The following AUTS2 variants were observed in gnomAD, a reference collection of about 807,000 sequenced individuals.
AUTS2 encodes the protein autism susceptibility gene 2 protein.
A neutral mutation model predicts 112.4 loss-of-function variants in AUTS2; 17 were observed. The observed-to-expected ratio is 0.15, with a 90% CI of 0.10 to 0.23. The LOEUF is 0.23. Among genes scored for constraint, AUTS2 ranks in the 10% least tolerant of loss-of-function variants. The probability of loss-of-function intolerance (pLI) is 1.00; values close to 1 mark genes in which losing one functional copy is unlikely to be tolerated. For missense variants in AUTS2, 1,510 were observed against 1,701.6 expected (o/e 0.89, Z 1.98); for synonymous variants, 751 against 702.7 (o/e 1.07, Z -1.09).
chr7:70,765,808 C>T lies in AUTS2; in HGVS notation c.1469-306C>T, dbSNP rs6960426. The stretch of plus-strand genomic sequence containing the variant: ...CCTCAGATGGGTTATTTGCCATGCC[C>T]AGGGTCACTCAGCCAGTGGTGACAG... On this transcript the variant is annotated intron_variant, in intron 8 of 18. Transcript: ENST00000342771. Among the ~76,000 whole-genome samples, 76,416 of 152,008 alleles carry T rather than the reference C, an allele frequency of 0.5. 21,308 individuals carry two copies. Among genetic ancestry groups the T allele is most frequent in the Non-Finnish European group, 0.62 (42,065 of 67,934 alleles).
chr7:70,491,120 C>T (rs1370761484), intron 5 of AUTS2, among the ~76,000 whole-genome samples: 2 of 152,152 alleles, frequency 1.3e-5, no homozygotes, highest in East Asian at 3.9e-4. Flanking sequence ...TTAGTTTTCT[C>T]CCCCTGCTCA....
chr7:70,749,670 G>T (rs1356894718), intron 6 of AUTS2, among the ~76,000 whole-genome samples: 1 of 152,184 alleles, frequency 6.6e-6, no homozygotes, highest in Non-Finnish European at 1.5e-5. Flanking sequence ...ATTGCAGGGG[G>T]TTGGCAGCAC....
chr7:70,704,168 C>G (rs771424559), intron 6 of AUTS2, among the ~76,000 whole-genome samples: 1 of 152,198 alleles, frequency 6.6e-6, no homozygotes, highest in African/African-American at 2.4e-5. Flanking sequence ...CCAATAGTTG[C>G]TTTGGCCGAA....
intron 2 of AUTS2, among the ~76,000 whole-genome samples, chr7:70,108,525 C>T (rs1239080694): frequency 1.3e-5 from 2 of 151,962 alleles, no homozygotes; most frequent in African/African-American, 4.8e-5. Flanking sequence ...CCTACACTTC[C>T]CCCTTCCCAA....
intron 1 of AUTS2, among the ~76,000 whole-genome samples, chr7:69,690,394 T>C (rs1195567727): frequency 1.3e-5 from 2 of 152,198 alleles, no homozygotes; most frequent in African/African-American, 4.8e-5. Flanking sequence ...CAAGTTTTGC[T>C]CCGGCCTGCT....
chr7:70,040,458 T>C (rs2129557699), intron 2 of AUTS2, among the ~76,000 whole-genome samples: 1 of 152,342 alleles, frequency 6.6e-6, no homozygotes, highest in Non-Finnish European at 1.5e-5. Flanking sequence ...ATACTACAGA[T>C]ACAGTTTGCT....
chr7:70,264,558 T>C (rs1787328145), intron 4 of AUTS2, among the ~76,000 whole-genome samples: 1 of 152,226 alleles, frequency 6.6e-6, no homozygotes, highest in Non-Finnish European at 1.5e-5. Context: ...TTTACTTACA[T>C]GTGCTGTTAT....
chr7:69,962,124 G>A (rs890915811), intron 2 of AUTS2, among the ~76,000 whole-genome samples: 3 of 152,076 alleles, frequency 2.0e-5, no homozygotes, highest in African/African-American at 4.8e-5. Context: ...TTATAGAGGC[G>A]GTTCTCATCC....
At chr7:69,789,617 A>T (rs1269501710) in intron 1 of AUTS2, among the ~76,000 whole-genome samples, 1 of 152,218 alleles carries the variant, frequency 6.6e-6, no homozygotes, top group Non-Finnish European at 1.5e-5. Flanking sequence ...TAGGATCAAC[A>T]TTAGCAGACC....
At chr7:70,693,879 C>T (rs113957304) in intron 5 of AUTS2, among the ~76,000 whole-genome samples, 2 of 152,042 alleles carry the variant, frequency 1.3e-5, no homozygotes, top group Admixed American at 1.3e-4. Flanking sequence ...GCTCGAGCCG[C>T]GGGGGGAGCA....
At chr7:70,526,479 C>T (rs1469085717) in intron 5 of AUTS2, among the ~76,000 whole-genome samples, 1 of 152,134 alleles carries the variant, frequency 6.6e-6, no homozygotes, top group Non-Finnish European at 1.5e-5. Context: ...GGAGACCAGC[C>T]TGGCCAACAC....
chr7:69,697,079 T>C (rs955636100), intron 1 of AUTS2, among the ~76,000 whole-genome samples: 1 of 152,206 alleles, frequency 6.6e-6, no homozygotes, highest in Non-Finnish European at 1.5e-5. Flanking sequence ...ATTAAAATCG[T>C]CTGGAGGGCT....
At chr7:70,174,372 A>G (rs967568437) in intron 4 of AUTS2, among the ~76,000 whole-genome samples, 3 of 152,260 alleles carry the variant, frequency 2.0e-5, no homozygotes, top group Admixed American at 6.5e-5. Context: ...GAAAGGAACT[A>G]TCTCTAGAAC....
At chr7:70,385,000 C>T (rs1332215024) in intron 4 of AUTS2, among the ~76,000 whole-genome samples, 2 of 152,028 alleles carry the variant, frequency 1.3e-5, no homozygotes, top group Non-Finnish European at 2.9e-5. Context: ...TCACAAAAAA[C>T]ACTTTTTCCC....
chr7:70,017,989 A>C (rs923902134), intron 2 of AUTS2, among the ~76,000 whole-genome samples: 4 of 151,976 alleles, frequency 2.6e-5, no homozygotes, highest in Admixed American at 1.3e-4. Context: ...AGAGCCTAGA[A>C]GGAGGGTCAA....
At chr7:70,163,360 A>AGGG (rs1562753323) in intron 4 of AUTS2, among the ~76,000 whole-genome samples, 2 of 2,464 alleles carry the variant, frequency 8.1e-4, no homozygotes, top group Non-Finnish European at 1.1e-3. Flanking sequence ...GGGGGGGGGC[A>AGGG]GAGGGGGAGG....
intron 5 of AUTS2, among the ~76,000 whole-genome samples, chr7:70,462,103 T>G (rs1453701741): frequency 6.6e-6 from 1 of 151,876 alleles, no homozygotes; most frequent in Non-Finnish European, 1.5e-5. Flanking sequence ...AATACAAAAA[T>G]TATCCAGGTG....
At chr7:70,339,319 T>A (rs2129620398) in intron 4 of AUTS2, among the ~76,000 whole-genome samples, 2 of 152,362 alleles carry the variant, frequency 1.3e-5, no homozygotes, top group South Asian at 4.1e-4. Context: ...TGAAAGTTTC[T>A]GTTTCTTTAT....
chr7:70,429,084 C>T (rs1453560326), intron 4 of AUTS2, among the ~76,000 whole-genome samples: 2 of 152,252 alleles, frequency 1.3e-5, no homozygotes, highest in African/African-American at 4.8e-5. Flanking sequence ...AGTATGTTCA[C>T]ACATACATCT....
Sources: allele counts gnomAD v4.1 joint callset (sites outside exome capture counted in the v4.1 genomes callset), GRCh38; gene constraint gnomAD v4.1.1; transcripts MANE v1.5; gene names NCBI Gene and HGNC (gene_info 2026-07-23, HGNC 2026-07-21).